The following CCSER1 variants were observed in gnomAD, a reference collection of about 807,000 sequenced individuals.
CCSER1 encodes serine-rich coiled-coil domain-containing protein 1.
Under a neutral mutation model 82.0 loss-of-function variants are expected in CCSER1, and 41 were observed. The ratio of observed to expected loss-of-function variants is 0.50; its 90% CI spans 0.39 to 0.65. The LOEUF is 0.65. Among genes scored for constraint, CCSER1 ranks in the 30% least tolerant of loss-of-function variants. CCSER1 has a pLI of 0.00. For synonymous variants in CCSER1, 414 were observed against 383.9 expected (o/e 1.08, Z -0.92); for missense variants, 1,119 against 1,064.2 (o/e 1.05, Z -0.72).
intron 4 of CCSER1, among the ~76,000 whole-genome samples, chr4:90,436,401 C>T (rs1203721800): frequency 6.6e-6 from 1 of 152,104 alleles, no homozygotes; most frequent in African/African-American, 2.4e-5. Flanking sequence ...AAATAGAAAA[C>T]AGAACTGTAC....
chr4:90,213,774 T>G (rs1392178520), intron 1 of CCSER1, among the ~76,000 whole-genome samples: 2 of 152,166 alleles, frequency 1.3e-5, no homozygotes, highest in Non-Finnish European at 2.9e-5. Context: ...AGGACTGAAT[T>G]TAGCAGTGGT....
At chr4:91,232,036 T>C (rs760805294) in intron 10 of CCSER1, among the ~76,000 whole-genome samples, 1 of 151,810 alleles carries the variant, frequency 6.6e-6, no homozygotes, top group African/African-American at 2.4e-5. Flanking sequence ...GACAAAAATA[T>C]GGAGAGAAAT....
At chr4:90,854,313 G>C (rs1166944139) in intron 8 of CCSER1, among the ~76,000 whole-genome samples, 1 of 152,156 alleles carries the variant, frequency 6.6e-6, no homozygotes, top group Non-Finnish European at 1.5e-5. Context: ...GAGCTGGAAG[G>C]TACAGTATCC....
rs1241695856 is a variant in CCSER1, at chr4:91,599,243, T to G, written c.*186T>G. On this transcript the variant is annotated 3_prime_UTR_variant, in exon 11 of 11. Transcript: ENST00000509176. The stretch of plus-strand genomic sequence containing the variant: ...TTTTTTTTTTCCAAGAGTGAAAGTT[T>G]GAGCATGTTAATTGAACTAGGTTGC... 1 of 673,838 alleles carries G rather than the reference T, an allele frequency of 1.5e-6. No individual in the cohort carries two copies. The highest frequency in any genetic ancestry group is 3.4e-5 in the Admixed American group (1 of 29,510). The allele number at this position is 673,838 out of a possible 1,614,324, so 41.7% of individuals were successfully genotyped here. A position where few individuals can be genotyped will look rare whatever the true frequency, so the allele number is the denominator to read the frequency against.
intron 9 of CCSER1, among the ~76,000 whole-genome samples, chr4:90,999,301 C>T (rs1253043382): frequency 6.6e-6 from 1 of 152,172 alleles, no homozygotes; most frequent in Non-Finnish European, 1.5e-5. Flanking sequence ...TTTGAGAAAT[C>T]TCCAAATTGT....
At chr4:90,157,768 C>G (rs1263892237) in intron 1 of CCSER1, among the ~76,000 whole-genome samples, 1 of 152,150 alleles carries the variant, frequency 6.6e-6, no homozygotes, top group African/African-American at 2.4e-5. Context: ...TCTAGTTATA[C>G]ATTCATCTAA....
chr4:91,439,248 C>A lies in CCSER1; in HGVS notation c.2218-159324C>A, dbSNP rs530194814. Among the ~76,000 whole-genome samples the A allele has an allele frequency of 8.7e-3, 1,323 of 152,004 alleles. 21 individuals carry two copies. The highest frequency in any genetic ancestry group is 0.029 in the African/African-American group (1,187 of 41,420). ...GCCAGAGAGAAAGGTCGGGTTACCC[C>A]CAAAGGGAAGCCCATCAGACTAACA... On this transcript the variant is annotated intron_variant, in intron 10 of 10. Coordinates refer to ENST00000509176, the MANE Select transcript of CCSER1 (RefSeq NM_001145065.2).
rs559991326 is a variant in CCSER1 at position 91,302,433 on chromosome 4, G to T, written c.2217+216439G>T. Reference sequence around the variant, plus strand: ...TTCTACTGCATCTACTTTCATCCAAGGCAAAACCATTTTTTTTCTATAATC... The same window carrying T: ...TTCTACTGCATCTACTTTCATCCAATGCAAAACCATTTTTTTTCTATAATC... On this transcript the variant is annotated intron_variant, in intron 10 of 10. Coordinates refer to ENST00000509176, the MANE Select transcript of CCSER1 (RefSeq NM_001145065.2). Among the ~76,000 whole-genome samples, 8 of 151,962 alleles carry T rather than the reference G, an allele frequency of 5.3e-5. No individual in the cohort carries two copies. In the South Asian group the frequency reaches 1.7e-3, roughly 32 times the overall value.
At chr4:90,480,006 G>T (rs550287028) in intron 5 of CCSER1, among the ~76,000 whole-genome samples, 12 of 152,270 alleles carry the variant, frequency 7.9e-5, no homozygotes, top group Non-Finnish European at 1.8e-4. Context: ...GTGTCAAAGT[G>T]TTCCTATTTC....
intron 5 of CCSER1, among the ~76,000 whole-genome samples, chr4:90,496,964 G>A (rs1337709417): frequency 1.4e-4 from 13 of 90,798 alleles, no homozygotes; most frequent in African/African-American, 6.0e-4. Flanking sequence ...GCGATAGAGC[G>A]AGACTACAAA....
intron 3 of CCSER1, among the ~76,000 whole-genome samples, chr4:90,362,648 T>A (rs1745568842): frequency 6.6e-6 from 1 of 152,126 alleles, no homozygotes; most frequent in African/African-American, 2.4e-5. Context: ...ATTTCTTTCC[T>A]TTTCCGCTGG....
intron 1 of CCSER1, among the ~76,000 whole-genome samples, chr4:90,239,151 A>G (rs1273659945): frequency 6.6e-6 from 1 of 152,166 alleles, no homozygotes; most frequent in African/African-American, 2.4e-5. Context: ...CCCAGCCAGA[A>G]AGTTTTAGTC....
intron 10 of CCSER1, among the ~76,000 whole-genome samples, chr4:91,115,806 C>CTTTTTTTT (rs527629667): frequency 1.8e-4 from 18 of 101,536 alleles, no homozygotes; most frequent in Admixed American, 2.4e-4. Flanking sequence ...CTAGCTTTTT[C>CTTTTTTTT]TTTTTTTTTT....
intron 10 of CCSER1, among the ~76,000 whole-genome samples, chr4:91,329,443 T>A (rs946715605): frequency 2.0e-5 from 3 of 152,204 alleles, no homozygotes; most frequent in Non-Finnish European, 4.4e-5. Context: ...TAAAATATTA[T>A]CATTAAGTAT....
At chr4:91,438,533 A>G (rs1754850274) in intron 10 of CCSER1, among the ~76,000 whole-genome samples, 1 of 152,302 alleles carries the variant, frequency 6.6e-6, no homozygotes, top group Admixed American at 6.5e-5. Context: ...AAGATGGGGA[A>G]AAAACAGAGC....
chr4:90,522,677 G>T (rs1773280522), intron 5 of CCSER1, among the ~76,000 whole-genome samples: 2 of 151,974 alleles, frequency 1.3e-5, no homozygotes. Context: ...GTGACTTCAT[G>T]GTCTCAGAAG....
chr4:90,720,662 A>G (rs1200840155), intron 6 of CCSER1, among the ~76,000 whole-genome samples: 1 of 152,036 alleles, frequency 6.6e-6, no homozygotes, highest in African/African-American at 2.4e-5. Flanking sequence ...AATTGTATAT[A>G]CAGAACATTG....
intron 9 of CCSER1, among the ~76,000 whole-genome samples, chr4:91,055,885 T>C (rs1321016887): frequency 6.7e-6 from 1 of 148,508 alleles, no homozygotes; most frequent in Non-Finnish European, 1.5e-5. Context: ...TTTTCTTCAA[T>C]CTTTTTCCTT....
intron 10 of CCSER1, among the ~76,000 whole-genome samples, chr4:91,465,135 C>G (rs967759554): frequency 2.6e-5 from 4 of 152,154 alleles, no homozygotes; most frequent in Non-Finnish European, 5.9e-5. Context: ...TGGAAAAGAA[C>G]AGAAATTATA....
Sources: gnomAD v4.1 joint callset for allele counts (sites outside exome capture counted in the v4.1 genomes callset) on GRCh38, gnomAD v4.1.1 for gene constraint, MANE v1.5 for transcripts, NCBI Gene and HGNC (gene_info 2026-07-23, HGNC 2026-07-21) for gene names.